The following PLXDC2 variants were observed in gnomAD, a reference collection of about 807,000 sequenced individuals.
PLXDC2 encodes the protein plexin domain containing 2.
A neutral mutation model predicts 68.9 loss-of-function variants in PLXDC2; 40 were observed. That is an observed-to-expected ratio of 0.58 (90% CI 0.45 to 0.76). PLXDC2 has a LOEUF of 0.76. Ranked by LOEUF, PLXDC2 falls within the 30% of genes least tolerant of loss-of-function variation. PLXDC2 has a pLI of 0.00. For missense variants in PLXDC2, 644 were observed against 661.9 expected, an observed-to-expected ratio of 0.97 and a Z score of 0.30; for synonymous variants, 243 against 234.2, an observed-to-expected ratio of 1.04 and a Z score of -0.34.
At chr10:20,072,544 AAAG>A (rs200642964) in intron 4 of PLXDC2, among the ~76,000 whole-genome samples, 1 of 118,086 alleles carries the variant, frequency 8.5e-6, no homozygotes, top group Admixed American at 7.9e-5. Flanking sequence ...AGAAAGAAAG[AAAG>A]AAAGAAAAGG....
At chr10:20,252,216 C>T (rs190869350) in intron 13 of PLXDC2, among the ~76,000 whole-genome samples, 36 of 152,272 alleles carry the variant, frequency 2.4e-4, no homozygotes, top group African/African-American at 8.7e-4. Flanking sequence ...CAATATGTGG[C>T]TGCTGCCTAT....
chr10:19,946,016 C>T (rs12573014), intron 1 of PLXDC2, among the ~76,000 whole-genome samples: 7,537 of 152,286 alleles, frequency 0.049, 245 homozygotes, highest in Middle Eastern at 0.095. Flanking sequence ...TGCTCAAATT[C>T]CCTTTGCCCG....
At chr10:20,102,899 T>G (rs1287197701) in intron 4 of PLXDC2, among the ~76,000 whole-genome samples, 1 of 152,076 alleles carries the variant, frequency 6.6e-6, no homozygotes, top group Non-Finnish European at 1.5e-5. Context: ...CTAGAGAAGG[T>G]ATCCTAGGCC....
chr10:19,940,285 C>T (rs1022639400), intron 1 of PLXDC2, among the ~76,000 whole-genome samples: 4 of 151,874 alleles, frequency 2.6e-5, no homozygotes, highest in Admixed American at 1.3e-4. Context: ...AATATATACT[C>T]TAATAAAAAA....
intron 2 of PLXDC2, among the ~76,000 whole-genome samples, chr10:20,027,339 A>G (rs1375341637): frequency 6.6e-6 from 1 of 152,014 alleles, no homozygotes; most frequent in Admixed American, 6.6e-5. Context: ...GTTGTTATGA[A>G]AAGGGTGTGA....
At chr10:19,933,245 ATAT>A (rs1369221380) in intron 1 of PLXDC2, among the ~76,000 whole-genome samples, 2 of 152,158 alleles carry the variant, frequency 1.3e-5, no homozygotes, top group African/African-American at 4.8e-5. Flanking sequence ...ATCTTTTGTA[ATAT>A]TAAATTTTGG....
chr10:20,238,232 C>T (rs765340833), intron 12 of PLXDC2, among the ~76,000 whole-genome samples: 97 of 149,688 alleles, frequency 6.5e-4, no homozygotes, highest in Non-Finnish European at 1.4e-3. Context: ...TTTTTTCTAC[C>T]TCCTTATTTC....
In PLXDC2 at chr10:20,063,702, G is replaced by A. The variant is rs78056980; in HGVS notation, c.472-4468G>A. 2.2e-3 allele frequency among the ~76,000 whole-genome samples: 328 copies of A among 152,272 alleles called. 1 individual carries two copies. Among genetic ancestry groups the A allele is most frequent in the African/African-American group, 7.7e-3 (320 of 41,574 alleles). On this transcript the variant is annotated intron_variant, in intron 3 of 13. Coordinates refer to ENST00000377252, the MANE Select transcript of PLXDC2 (RefSeq NM_032812.9). ...TGTAGGCACACTCAGAAATCTAGGA[G>A]TATGACCTGAATGAGTCTGATAGTC...
chr10:20,112,920 C>G (rs1458381174), intron 4 of PLXDC2, among the ~76,000 whole-genome samples: 1 of 152,124 alleles, frequency 6.6e-6, no homozygotes, highest in African/African-American at 2.4e-5. Context: ...AAAAATAAGT[C>G]AAAATGAAAT....
chr10:19,882,714 CAGT>C (rs1837751496), intron 1 of PLXDC2, among the ~76,000 whole-genome samples: 1 of 152,158 alleles, frequency 6.6e-6, no homozygotes, highest in South Asian at 2.1e-4. Flanking sequence ...TGTAGATAAA[CAGT>C]AGCATATGTC....
intron 1 of PLXDC2, among the ~76,000 whole-genome samples, chr10:19,937,791 AGGAAGGGTTCCTGGT>A (rs1231702905): frequency 1.4e-4 from 22 of 152,078 alleles, no homozygotes; most frequent in Admixed American, 3.9e-4. Context: ...TTTCTAGATG[AGGAAGGGTTCCTGGT>A]CAGATGGACA....
chr10:19,966,348 A>AAAAAT, intron 1 of PLXDC2, among the ~76,000 whole-genome samples: 1 of 147,612 alleles, frequency 6.8e-6, no homozygotes, highest in Admixed American at 6.8e-5. Flanking sequence ...ATATATAATA[A>AAAAAT]ATGTATGTAT....
chr10:19,880,954 C>G (rs1837715396), intron 1 of PLXDC2, among the ~76,000 whole-genome samples: 1 of 152,060 alleles, frequency 6.6e-6, no homozygotes, highest in Non-Finnish European at 1.5e-5. Flanking sequence ...TTTTGAGATC[C>G]AGAATGTTAT....
chr10:20,074,335 T>A lies in PLXDC2; in HGVS notation c.541+6096T>A, dbSNP rs535746016. ...TAATACCTGTACATATCTGAAAAAC[T>A]AATAACGTGGACATTTAACAAGTCA... On this transcript the variant is annotated intron_variant, in intron 4 of 13. Coordinates refer to ENST00000377252, the MANE Select transcript of PLXDC2 (RefSeq NM_032812.9). Among the ~76,000 whole-genome samples the A allele has an allele frequency of 4.4e-4, 67 of 152,248 alleles. 1 individual carries two copies. The South Asian group carries it at 0.013, about 30-fold the overall frequency.
intron 1 of PLXDC2, among the ~76,000 whole-genome samples, chr10:19,853,182 G>T (rs1286272738): frequency 3.9e-5 from 6 of 152,090 alleles, no homozygotes; most frequent in Non-Finnish European, 8.8e-5. Context: ...ATCTGAAACT[G>T]TAGGACTTAA....
At chr10:20,175,763 T>A (rs1254022844) in intron 7 of PLXDC2, among the ~76,000 whole-genome samples, 1 of 152,076 alleles carries the variant, frequency 6.6e-6, no homozygotes, top group East Asian at 1.9e-4. Flanking sequence ...GCCCAGGATG[T>A]CCAGGCTGCA....
At position 20,200,265 on chromosome 10, in the gene PLXDC2, G is replaced by T. The variant is rs528812139; in HGVS notation, c.1062-11404G>T. Among the ~76,000 whole-genome samples, 12 of 151,988 alleles carry T rather than the reference G, an allele frequency of 7.9e-5. No homozygotes were observed. In the South Asian group the frequency reaches 2.5e-3, roughly 32 times the overall value. ...AAAGAACAGCCCAATCAAAAGAAAT[G>T]GGGAAAATAAGTGATTGTACAGTTT... is the stretch of plus-strand genomic sequence containing the variant. On this transcript the variant is annotated intron_variant, in intron 9 of 13. Coordinates refer to ENST00000377252, the MANE Select transcript of PLXDC2 (RefSeq NM_032812.9).
rs138584140 is a variant in PLXDC2 at position 19,894,810 on chromosome 10, C to T, written c.112+77619C>T. Among the ~76,000 whole-genome samples the T allele has an allele frequency of 5.9e-3, 893 of 152,208 alleles. 8 individuals carry two copies. The highest frequency in any genetic ancestry group is 0.021 in the African/African-American group (857 of 41,530). ...TGGAGAGGATATGGAGAAATAGGAA[C>T]GCTTTTACACTGTTGGTGGGAGTGT... is the stretch of plus-strand genomic sequence containing the variant. On this transcript the variant is annotated intron_variant, in intron 1 of 13. Transcript: ENST00000377252.
chr10:20,169,357 G>T (rs1211815745), intron 7 of PLXDC2, among the ~76,000 whole-genome samples: 1 of 152,062 alleles, frequency 6.6e-6, no homozygotes, highest in Non-Finnish European at 1.5e-5. Context: ...GCACGAAATG[G>T]TATTTCATTG....
Sources: allele counts gnomAD v4.1 joint callset (sites outside exome capture counted in the v4.1 genomes callset), GRCh38; gene constraint gnomAD v4.1.1; transcripts MANE v1.5; gene names NCBI Gene and HGNC (gene_info 2026-07-23, HGNC 2026-07-21).